The following ESRRG variants were observed in gnomAD, a reference collection of about 807,000 sequenced individuals.
ESRRG encodes estrogen related receptor gamma.
A neutral mutation model predicts 44.0 loss-of-function variants in ESRRG; 13 were observed. The observed-to-expected ratio is 0.30, with a 90% confidence interval of 0.19 to 0.47. The LOEUF (loss-of-function observed/expected upper bound fraction) is 0.47, where lower values mean the gene tolerates loss of function less well. ESRRG is among the 20% of genes least tolerant of loss of function. The pLI, the probability that ESRRG is intolerant of heterozygous loss-of-function variation, is 1.00. For missense variants in ESRRG, 395 were observed against 580.6 expected, an observed-to-expected ratio of 0.68 and a Z score of 3.29; for synonymous variants, 215 against 214.6, an observed-to-expected ratio of 1.00 and a Z score of -0.02.
At chr1:217,104,109 C>A (rs1429960015) in intron 1 of ESRRG, among the ~76,000 whole-genome samples, 1 of 152,184 alleles carries the variant, frequency 6.6e-6, no homozygotes, top group Non-Finnish European at 1.5e-5. Context: ...CTTCCCTCAG[C>A]ACCTATTCCT....
chr1:216,522,802 T>C (rs1411637375), intron 5 of ESRRG, among the ~76,000 whole-genome samples: 1 of 152,206 alleles, frequency 6.6e-6, no homozygotes. Context: ...TTTAATAAGC[T>C]GAGTCTAAGG....
chr1:216,919,139 C>A (rs1578145990), intron 2 of ESRRG, among the ~76,000 whole-genome samples: 1 of 151,998 alleles, frequency 6.6e-6, no homozygotes, highest in African/African-American at 2.4e-5. Flanking sequence ...TTATATCCAG[C>A]CACTAAGGAA....
intron 1 of ESRRG, among the ~76,000 whole-genome samples, chr1:216,944,141 A>G (rs2065710930): frequency 6.6e-6 from 1 of 152,212 alleles, no homozygotes; most frequent in African/African-American, 2.4e-5. Context: ...ACTGAGGTCA[A>G]GCATATAATT....
intron 1 of ESRRG, among the ~76,000 whole-genome samples, chr1:217,111,882 T>A (rs936618752): frequency 6.6e-6 from 1 of 152,208 alleles, no homozygotes; most frequent in Admixed American, 6.5e-5. Context: ...GAATGACATC[T>A]GGGACTTCCA....
intron 4 of ESRRG, 157 bp from the exon 5 acceptor site, chr1:216,564,537 G>T: frequency 2.1e-6 from 1 of 471,384 alleles, no homozygotes; most frequent in Non-Finnish European, 3.6e-6. Context: ...TAAACGGTGT[G>T]CAGGAAAACT....
At chr1:216,856,418 T>C (rs536616243) in intron 2 of ESRRG, among the ~76,000 whole-genome samples, 7 of 144,086 alleles carry the variant, frequency 4.9e-5, no homozygotes, top group Non-Finnish European at 7.6e-5. Context: ...GATTCGAGAG[T>C]GAAGAAATTC....
At chr1:216,617,733 C>T (rs2061612819) in intron 3 of ESRRG, among the ~76,000 whole-genome samples, 1 of 152,098 alleles carries the variant, frequency 6.6e-6, no homozygotes, top group African/African-American at 2.4e-5. Context: ...TTTAAGTAAC[C>T]CACATATATG....
chr1:216,687,547 G>A (rs1273566482), intron 1 of ESRRG, among the ~76,000 whole-genome samples: 1 of 152,126 alleles, frequency 6.6e-6, no homozygotes, highest in Non-Finnish European at 1.5e-5. Flanking sequence ...ATTTGTAAGA[G>A]GAAACCTTAG....
At chr1:216,604,947 T>A (rs1365852348) in intron 3 of ESRRG, among the ~76,000 whole-genome samples, 2 of 152,188 alleles carry the variant, frequency 1.3e-5, no homozygotes, top group Non-Finnish European at 2.9e-5. Flanking sequence ...TCTGCCTAGC[T>A]TTAGGGCTTC....
chr1:216,767,423 C>T (rs1435549014), intron 2 of ESRRG, among the ~76,000 whole-genome samples: 1 of 152,044 alleles, frequency 6.6e-6, no homozygotes, highest in Non-Finnish European at 1.5e-5. Flanking sequence ...TAATCACCTG[C>T]AATGTTTATC....
rs551974060 is a variant in ESRRG, at chr1:216,933,585, C to T, written c.-14+5997G>A. ...GAGAAGTGCAGTATTCCAGACTTTC[C>T]GTACCTCAAGAACATGGATAAGACC... On this transcript the variant is annotated intron_variant, in intron 2 of 7. Coordinates refer to the ESRRG transcript ENST00000359162. 7.9e-5 allele frequency among the ~76,000 whole-genome samples: 12 copies of T among 152,184 alleles called. No homozygotes were observed. In the South Asian group the frequency reaches 1.7e-3, roughly 21 times the overall value.
At chr1:216,958,709 A>G (rs1046552761) in intron 1 of ESRRG, among the ~76,000 whole-genome samples, 1 of 152,166 alleles carries the variant, frequency 6.6e-6, no homozygotes, top group African/African-American at 2.4e-5. Context: ...TATTTACAGC[A>G]TCCACTAAAG....
At chr1:216,927,323 T>A (rs1327886073) in intron 2 of ESRRG, among the ~76,000 whole-genome samples, 1 of 152,114 alleles carries the variant, frequency 6.6e-6, no homozygotes, top group Non-Finnish European at 1.5e-5. Context: ...CACCTGCAAG[T>A]AATAATAGAC....
chr1:217,102,760 C>T (rs2092536017), intron 1 of ESRRG, among the ~76,000 whole-genome samples: 1 of 152,122 alleles, frequency 6.6e-6, no homozygotes, highest in South Asian at 2.1e-4. Context: ...CTACAACAAG[C>T]TCTTACTCTT....
In ESRRG at chr1:216,773,295, A is replaced by C. The variant is rs1219101938; in HGVS notation, c.-13-95804T>G. Reference sequence around the variant, plus strand: ...TCACCATGGAATTCATGCATTTTGCACACAGATATAGCTTGCTTTTGGTTT... The same window carrying C: ...TCACCATGGAATTCATGCATTTTGCCCACAGATATAGCTTGCTTTTGGTTT... On this transcript the variant is annotated intron_variant, in intron 2 of 7. Coordinates refer to the ESRRG transcript ENST00000359162. 2.6e-5 allele frequency among the ~76,000 whole-genome samples: 4 copies of C among 152,258 alleles called. No individual in the cohort carries two copies. In the East Asian group the frequency reaches 7.8e-4, roughly 30 times the overall value.
intron 3 of ESRRG, among the ~76,000 whole-genome samples, chr1:216,600,849 G>A (rs966400587): frequency 6.6e-6 from 1 of 152,154 alleles, no homozygotes; most frequent in Non-Finnish European, 1.5e-5. Flanking sequence ...GCCTCACAGC[G>A]GGTCACAGGA....
In ESRRG at chr1:216,743,189, T is replaced by C. The variant is rs191014549; in HGVS notation, c.-13-65698A>G. Among the ~76,000 whole-genome samples the C allele has an allele frequency of 5.0e-3, 765 of 152,264 alleles. 2 individuals are homozygous for C. The highest frequency in any genetic ancestry group is 7.8e-3 in the Non-Finnish European group (529 of 68,024). On this transcript the variant is annotated intron_variant, in intron 2 of 7. Coordinates refer to the ESRRG transcript ENST00000359162. ...TTTAAAATCTAAGACAATATGACTTTTCAACAATAGCATACAATGGAAATG... is the reference window on the plus strand; with the variant it reads ...TTTAAAATCTAAGACAATATGACTTCTCAACAATAGCATACAATGGAAATG...
In ESRRG at chr1:216,588,714, G is replaced by A. The variant is rs1271966836; in HGVS notation, c.590-20616C>T. ...TTTCTAATTCCAAGTCCTCTTTAAAGAGCATCAGTACTATCATTTGATATC... is the reference window on the plus strand; with the variant it reads ...TTTCTAATTCCAAGTCCTCTTTAAAAAGCATCAGTACTATCATTTGATATC... On this transcript the variant is annotated intron_variant, in intron 3 of 6. Transcript: ENST00000408911. Among the ~76,000 whole-genome samples the A allele has an allele frequency of 2.0e-5, 3 of 152,126 alleles. No homozygotes were observed. The East Asian group carries it at 5.8e-4, about 29-fold the overall frequency.
intron 2 of ESRRG, among the ~76,000 whole-genome samples, chr1:216,733,820 G>A (rs1354673875): frequency 5.3e-5 from 8 of 151,676 alleles, no homozygotes; most frequent in African/African-American, 1.5e-4. Flanking sequence ...GCAAAACCCC[G>A]TCTCTACTAA....
Sources: gnomAD v4.1 joint callset for allele counts (sites outside exome capture counted in the v4.1 genomes callset) on GRCh38, gnomAD v4.1.1 for gene constraint, MANE v1.5 for transcripts, NCBI Gene and HGNC (gene_info 2026-07-23, HGNC 2026-07-21) for gene names.